The following PTGER3 variants were observed in gnomAD, a reference collection of about 807,000 sequenced individuals.
PTGER3 encodes the protein prostaglandin E2 receptor EP3 subtype.
PTGER3 carries 22 observed loss-of-function variants against 34.7 expected under a neutral mutation model. The observed-to-expected ratio is 0.63, with a 90% CI of 0.45 to 0.91. PTGER3 has a LOEUF of 0.91. PTGER3 is among the 40% of genes least tolerant of loss of function. The pLI, the probability that PTGER3 is intolerant of heterozygous loss-of-function variation, is 0.00. For synonymous variants in PTGER3, 241 were observed against 230.1 expected, an observed-to-expected ratio of 1.05 and a Z score of -0.43; for missense variants, 468 against 519.4, an observed-to-expected ratio of 0.90 and a Z score of 0.96.
chr1:70,931,565 C>T (rs1648699984), intron 4 of PTGER3, among the ~76,000 whole-genome samples: 1 of 152,204 alleles, frequency 6.6e-6, no homozygotes, highest in Admixed American at 6.5e-5. Context: ...TGGAGGTTCT[C>T]AAACCTCAAT....
intron 4 of PTGER3, among the ~76,000 whole-genome samples, chr1:70,905,840 A>G (rs1203133479): frequency 1.3e-5 from 2 of 152,138 alleles, no homozygotes; most frequent in Non-Finnish European, 2.9e-5. Flanking sequence ...TTGAAATGTG[A>G]GAACAAGAGA....
intron 4 of PTGER3, among the ~76,000 whole-genome samples, chr1:70,907,168 G>T (rs1172682782): frequency 6.6e-6 from 1 of 152,212 alleles, no homozygotes; most frequent in Non-Finnish European, 1.5e-5. Context: ...AGCTTTTGCT[G>T]TTGTTTCTGT....
At chr1:70,869,475 G>C (rs1195181604) in intron 4 of PTGER3, among the ~76,000 whole-genome samples, 1 of 152,076 alleles carries the variant, frequency 6.6e-6, no homozygotes, top group African/African-American at 2.4e-5. Context: ...ATCTTAACTT[G>C]CTCTGGCATT....
intron 4 of PTGER3, among the ~76,000 whole-genome samples, chr1:70,870,924 GTCT>G (rs1349269275): frequency 1.3e-5 from 2 of 152,050 alleles, no homozygotes; most frequent in African/African-American, 4.8e-5. Context: ...TCTTCCTGTC[GTCT>G]TCTTCTGAGA....
At chr1:70,999,710 G>C (rs1300253685) in intron 2 of PTGER3, among the ~76,000 whole-genome samples, 1 of 152,108 alleles carries the variant, frequency 6.6e-6, no homozygotes, top group African/African-American at 2.4e-5. Flanking sequence ...ACAAGTCCGA[G>C]AGGACGGGTA....
chr1:70,990,725 A>G (rs1398659598), intron 2 of PTGER3, among the ~76,000 whole-genome samples: 1 of 151,902 alleles, frequency 6.6e-6, no homozygotes, highest in Non-Finnish European at 1.5e-5. Flanking sequence ...CAATTCTCCC[A>G]CCTCAGCTTC....
chr1:70,920,414 T>G (rs557662385), intron 4 of PTGER3, among the ~76,000 whole-genome samples: 1 of 152,350 alleles, frequency 6.6e-6, no homozygotes, highest in East Asian at 1.9e-4. Flanking sequence ...AAGGTCCTAC[T>G]GCGATTGAGC....
At position 70,959,906 on chromosome 1, in the gene PTGER3, G is replaced by A. The variant is rs112582074; in HGVS notation, c.1078-6117C>T. Among the ~76,000 whole-genome samples, 718 of 151,832 alleles carry A rather than the reference G, an allele frequency of 4.7e-3. 13 individuals carry two copies. Among genetic ancestry groups the A allele is most frequent in the African/African-American group, 0.016 (659 of 41,306 alleles). ...AGTCCTAATTCCTGGTACCTAATGC[G>A]ACCTTATTTGAAAATAAGGTCATTG... On this transcript the variant is annotated intron_variant, in intron 2 of 3. Coordinates refer to the PTGER3 transcript ENST00000356595.
At chr1:70,886,343 T>G (rs772188571) in intron 4 of PTGER3, 2 of 446,912 alleles carry the variant, frequency 4.5e-6, no homozygotes, top group South Asian at 3.2e-5. Context: ...GAGAAACAAA[T>G]TTCTGTTGTT....
intron 4 of PTGER3, among the ~76,000 whole-genome samples, chr1:70,861,232 A>C (rs1645920632): frequency 6.6e-6 from 1 of 152,216 alleles, no homozygotes; most frequent in African/African-American, 2.4e-5. Context: ...TCAGAGATGC[A>C]TTTTGAATAA....
At chr1:71,011,126 G>A in intron 2 of PTGER3, 1 of 985,698 alleles carries the variant, frequency 1.0e-6, no homozygotes, top group Non-Finnish European at 1.2e-6. Context: ...TTAATGTAGT[G>A]ATCTACTTGT....
rs1646625931 is a variant in PTGER3 at position 70,891,909 on chromosome 1, A to ATTCCT, written c.*24-39051_*24-39050insAGGAA. ...GAGACATGTGCCATGAGTCTTAGGA[A>ATTCCT]AAGACCTTTGAAATTGCACTTAGAG... On this transcript the variant is annotated intron_variant, in intron 4 of 4. Coordinates refer to the PTGER3 transcript ENST00000370931. Among the ~76,000 whole-genome samples, 4 of 152,332 alleles carry ATTCCT rather than the reference A, an allele frequency of 2.6e-5. No individual in the cohort carries two copies. The South Asian group carries it at 8.3e-4, about 32-fold the overall frequency.
chr1:70,925,213 C>G (rs1230308871), intron 4 of PTGER3, among the ~76,000 whole-genome samples: 1 of 152,206 alleles, frequency 6.6e-6, no homozygotes, highest in Non-Finnish European at 1.5e-5. Flanking sequence ...CCATTCTGGC[C>G]AGTCTGGTCT....
chr1:71,047,325 T>TG lies in PTGER3; in HGVS notation c.252dup (p.Lys85GlnfsTer136). 6.2e-7 allele frequency: 1 copy of TG among 1,606,612 alleles called. No individual in the cohort carries two copies. Among genetic ancestry groups the TG allele is most frequent in the Non-Finnish European group, 8.5e-7 (1 of 1,177,274 alleles). On this transcript the variant is annotated frameshift_variant, in exon 1 of 4. Coordinates refer to ENST00000306666, the MANE Select transcript of PTGER3 (RefSeq NM_198719.2). LOFTEE classifies it high-confidence loss of function. ...CCGATGCACAGCAGGAAGGACTTCT[T>TG]GCGCTTGCTCTCCCGGCGCCGGTAG...
intron 2 of PTGER3, chr1:71,011,611 A>G (rs542575857): frequency 3.0e-6 from 3 of 984,722 alleles, no homozygotes; most frequent in South Asian, 9.4e-5. Flanking sequence ...TTATTCAGAT[A>G]AAGAGTAAAC....
intron 4 of PTGER3, among the ~76,000 whole-genome samples, chr1:70,854,732 A>G (rs1645763117): frequency 6.6e-6 from 1 of 151,988 alleles, no homozygotes; most frequent in Non-Finnish European, 1.5e-5. Flanking sequence ...TGTGAGTCAA[A>G]CCTCTTTTCT....
intron 2 of PTGER3, among the ~76,000 whole-genome samples, chr1:70,981,562 C>A (rs1362497822): frequency 2.0e-5 from 3 of 151,768 alleles, no homozygotes; most frequent in African/African-American, 7.3e-5. Context: ...GCATGCATCA[C>A]CACACCCTGC....
At chr1:70,943,472 G>A (rs562588046) in intron 4 of PTGER3, among the ~76,000 whole-genome samples, 1 of 152,212 alleles carries the variant, frequency 6.6e-6, no homozygotes, top group African/African-American at 2.4e-5. Context: ...AAGTCCAGAA[G>A]ATAAAGATGA....
chr1:70,895,469 C>CA (rs1206311315), intron 4 of PTGER3, among the ~76,000 whole-genome samples: 8 of 152,174 alleles, frequency 5.3e-5, no homozygotes, highest in African/African-American at 1.4e-4. Context: ...TATACAACTA[C>CA]AAAATCATTT....
Sources: gnomAD v4.1 joint callset for allele counts (sites outside exome capture counted in the v4.1 genomes callset) on GRCh38, gnomAD v4.1.1 for gene constraint, MANE v1.5 for transcripts, NCBI Gene and HGNC (gene_info 2026-07-23, HGNC 2026-07-21) for gene names.